Variants in CNTNAP5 observed in about 807,000 individuals in gnomAD.
CNTNAP5 encodes the protein contactin-associated protein-like 5.
Under a neutral mutation model 150.2 loss-of-function variants are expected in CNTNAP5, and 72 were observed. The observed-to-expected ratio is 0.48, with a 90% confidence interval of 0.40 to 0.58. The LOEUF is 0.58. CNTNAP5 is among the 20% of genes least tolerant of loss of function. CNTNAP5 has a pLI of 0.00. For synonymous variants in CNTNAP5, 672 were observed against 619.8 expected, an observed-to-expected ratio of 1.08 and a Z score of -1.25; for missense variants, 1,636 against 1,626.2, an observed-to-expected ratio of 1.01 and a Z score of -0.10.
chr2:124,341,378 C>T (rs1689611176), intron 3 of CNTNAP5, among the ~76,000 whole-genome samples: 1 of 152,064 alleles, frequency 6.6e-6, no homozygotes, highest in Non-Finnish European at 1.5e-5. Context: ...AGCCAAAGTA[C>T]CATACTTTGG....
intron 10 of CNTNAP5, among the ~76,000 whole-genome samples, chr2:124,554,923 T>C (rs1695716650): frequency 6.6e-6 from 1 of 152,166 alleles, no homozygotes; most frequent in African/African-American, 2.4e-5. Flanking sequence ...AATGAGATAT[T>C]CATTGTTAGA....
At chr2:124,217,423 C>T (rs1398831919) in intron 1 of CNTNAP5, among the ~76,000 whole-genome samples, 1 of 152,128 alleles carries the variant, frequency 6.6e-6, no homozygotes, top group African/African-American at 2.4e-5. Context: ...CACAGGTTTG[C>T]TTATTGAAGG....
At chr2:124,207,197 AC>A (rs1220295876) in intron 1 of CNTNAP5, among the ~76,000 whole-genome samples, 4 of 152,168 alleles carry the variant, frequency 2.6e-5, no homozygotes, top group Admixed American at 2.6e-4. Flanking sequence ...GAGCTCTCAG[AC>A]CAATGCTACA....
At position 124,354,430 on chromosome 2, in the gene CNTNAP5, T is replaced by C. The variant is rs559024266; in HGVS notation, c.382-63013T>C. 3.2e-4 allele frequency among the ~76,000 whole-genome samples: 49 copies of C among 152,342 alleles called. No homozygotes were observed. In the South Asian group the frequency reaches 9.7e-3, roughly 30 times the overall value. On this transcript the variant is annotated intron_variant, in intron 3 of 23. Transcript: ENST00000682447. The stretch of plus-strand genomic sequence containing the variant: ...TGGACCTGCCATAATAAAGAGAACC[T>C]TACTTTGTCAGTCCTGGTAGTGTCT...
Position 124,483,072 on chromosome 2 carries a change from C to T in CNTNAP5, c.1062+8190C>T, listed in dbSNP as rs529203054. ...TTTGCATGTTGTGTTTCTCCCATGC[C>T]AGCTGAGCTGTCTTTTTTCTCCTTT... On this transcript the variant is annotated intron_variant, in intron 7 of 23. Coordinates refer to ENST00000682447, the MANE Select transcript of CNTNAP5 (RefSeq NM_001367498.1). Among the ~76,000 whole-genome samples, 66 of 152,274 alleles carry T rather than the reference C, an allele frequency of 4.3e-4. No individual in the cohort carries two copies. The South Asian group carries it at 0.013, about 31-fold the overall frequency.
chr2:124,796,931 GC>G, intron 18 of CNTNAP5, among the ~76,000 whole-genome samples: 1 of 152,312 alleles, frequency 6.6e-6, no homozygotes, highest in South Asian at 2.1e-4. Context: ...CTCAAGAGCA[GC>G]CTTGATCTAA....
At chr2:124,740,475 G>T (rs889072657) in intron 13 of CNTNAP5, among the ~76,000 whole-genome samples, 1 of 152,112 alleles carries the variant, frequency 6.6e-6, no homozygotes, top group East Asian at 1.9e-4. Flanking sequence ...CAATCATTGG[G>T]GCTGGGTTGG....
intron 1 of CNTNAP5, among the ~76,000 whole-genome samples, chr2:124,156,734 C>G (rs776540039): frequency 6.6e-6 from 1 of 152,152 alleles, no homozygotes; most frequent in Non-Finnish European, 1.5e-5. Flanking sequence ...GGTGATCCAC[C>G]CACCTCGGCC....
chr2:124,902,758 T>G, intron 21 of CNTNAP5, 124 bp from the exon 22 acceptor site: 1 of 606,294 alleles, frequency 1.6e-6, no homozygotes, highest in East Asian at 2.8e-5. Flanking sequence ...AGGGGAGGGT[T>G]TTCTTTACTC....
At chr2:124,410,558 A>T (rs1691726018) in intron 3 of CNTNAP5, among the ~76,000 whole-genome samples, 1 of 144,364 alleles carries the variant, frequency 6.9e-6, no homozygotes, top group African/African-American at 2.5e-5. Context: ...TCAAACTAGA[A>T]CTCAGGATTA....
intron 2 of CNTNAP5, among the ~76,000 whole-genome samples, chr2:124,237,899 A>T (rs899433784): frequency 6.6e-6 from 1 of 152,082 alleles, no homozygotes; most frequent in Admixed American, 6.5e-5. Flanking sequence ...TTCTCCATAC[A>T]AGTCTATTCT....
chr2:124,875,070 A>G (rs1174724762), intron 21 of CNTNAP5, among the ~76,000 whole-genome samples: 2 of 152,194 alleles, frequency 1.3e-5, no homozygotes, highest in East Asian at 1.9e-4. Flanking sequence ...TTGACATGTT[A>G]AAATGAGTTC....
At chr2:124,902,066 A>T (rs1678424656) in intron 21 of CNTNAP5, among the ~76,000 whole-genome samples, 1 of 152,160 alleles carries the variant, frequency 6.6e-6, no homozygotes, top group Non-Finnish European at 1.5e-5. Flanking sequence ...ACCTTAGGAA[A>T]AAAGATGGCT....
intron 2 of CNTNAP5, among the ~76,000 whole-genome samples, chr2:124,222,529 A>G (rs1686347922): frequency 6.6e-6 from 1 of 152,108 alleles, no homozygotes; most frequent in African/African-American, 2.4e-5. Flanking sequence ...TAGTATCTTA[A>G]TATCTACTAA....
intron 3 of CNTNAP5, among the ~76,000 whole-genome samples, chr2:124,402,574 G>T (rs1210099308): frequency 6.6e-6 from 1 of 152,138 alleles, no homozygotes; most frequent in South Asian, 2.1e-4. Flanking sequence ...TAATCTGGAG[G>T]TCATAACCAG....
intron 3 of CNTNAP5, among the ~76,000 whole-genome samples, chr2:124,365,588 C>A (rs1690351296): frequency 6.6e-6 from 1 of 152,282 alleles, no homozygotes; most frequent in Admixed American, 6.5e-5. Context: ...AATAGTAACA[C>A]CATTGGGAAG....
At chr2:124,028,292 G>A (rs1237110314) in intron 1 of CNTNAP5, among the ~76,000 whole-genome samples, 1 of 83,542 alleles carries the variant, frequency 1.2e-5, no homozygotes, top group Non-Finnish European at 2.3e-5. Context: ...TGTTACTATG[G>A]TGTGGTGTGT....
At chr2:124,131,886 CTG>C (rs1307757001) in intron 1 of CNTNAP5, among the ~76,000 whole-genome samples, 3 of 152,120 alleles carry the variant, frequency 2.0e-5, no homozygotes, top group Non-Finnish European at 4.4e-5. Flanking sequence ...TTTCATTTTG[CTG>C]TGTGTCTTGG....
chr2:124,225,651 C>T (rs1686439505), intron 2 of CNTNAP5, among the ~76,000 whole-genome samples: 1 of 152,140 alleles, frequency 6.6e-6, no homozygotes, highest in Non-Finnish European at 1.5e-5. Flanking sequence ...ACAAGACCTA[C>T]TCTCAGCAAA....
Sources: allele counts gnomAD v4.1 joint callset (sites outside exome capture counted in the v4.1 genomes callset), GRCh38; gene constraint gnomAD v4.1.1; transcripts MANE v1.5; gene names NCBI Gene and HGNC (gene_info 2026-07-23, HGNC 2026-07-21).